Variants in ACSM3 observed in about 807,000 individuals in gnomAD.
ACSM3 encodes acyl-CoA synthetase medium chain family member 3, also known as acyl-coenzyme A synthetase ACSM3, mitochondrial.
In ACSM3, 61 loss-of-function variants were observed where a neutral mutation model predicts 74.1. The ratio of observed to expected loss-of-function variants is 0.82; its 90% confidence interval spans 0.67 to 1.02. The LOEUF is 1.02. ACSM3 is among the 50% of genes least tolerant of loss of function. The pLI, the probability that ACSM3 is intolerant of heterozygous loss-of-function variation, is 0.00. For synonymous variants in ACSM3, 213 were observed against 241.5 expected (o/e 0.88, Z 1.09); for missense variants, 660 against 697.0 (o/e 0.95, Z 0.60).
intron 1 of ACSM3, chr16:20,737,168 C>G (rs1393593610): frequency 6.2e-7 from 1 of 1,614,188 alleles, no homozygotes; most frequent in Non-Finnish European, 8.5e-7. Flanking sequence ...ATTTTCTAAA[C>G]AACATGTAAT....
intron 1 of ACSM3, chr16:20,691,185 G>A (rs1342059851): frequency 1.3e-6 from 2 of 1,579,610 alleles, no homozygotes; most frequent in South Asian, 1.2e-5. Context: ...ATTAGCCACT[G>A]CATGGTGAAA....
chr16:20,723,519 A>G (rs2079793657), intron 1 of ACSM3, among the ~76,000 whole-genome samples: 1 of 151,652 alleles, frequency 6.6e-6, no homozygotes, highest in African/African-American at 2.4e-5. Context: ...AAGTGTTCCT[A>G]TTTCTCCACA....
rs1442525866 is a variant in ACSM3, at chr16:20,742,021, C to T, written c.-189-7889C>T. 6 of 1,460,032 alleles carry T rather than the reference C, an allele frequency of 4.1e-6. No individual in the cohort carries two copies. The Admixed American group carries it at 6.6e-5, about 16-fold the overall frequency. The allele number at this position is 1,460,032 out of a possible 1,614,324, so 90.4% of individuals were successfully genotyped here. Reference sequence around the variant, plus strand: ...ATTCTGGAAGTGGTGTCGGTGGCTCCTCAAGCCCTTGAAGCTGGCTCCAGC... The same window carrying T: ...ATTCTGGAAGTGGTGTCGGTGGCTCTTCAAGCCCTTGAAGCTGGCTCCAGC... On this transcript the variant is annotated intron_variant, in intron 1 of 3. Transcript: ENST00000561584.
chr16:20,797,106 T>C lies in ACSM3; in HGVS notation c.*134T>C. On this transcript the variant is annotated 3_prime_UTR_variant, in exon 14 of 14. Transcript: ENST00000289416. ...ACTGTTGATTTAAAATATCTTGTGGTTATGATATCAGAGGCTAAATTTTGA... is the reference window on the plus strand; with the variant it reads ...ACTGTTGATTTAAAATATCTTGTGGCTATGATATCAGAGGCTAAATTTTGA... 1 of 1,395,788 alleles carries C rather than the reference T, an allele frequency of 7.2e-7. No homozygotes were observed. The allele number at this position is 1,395,788 out of a possible 1,614,324, so 86.5% of individuals were successfully genotyped here. A position where few individuals can be genotyped will look rare whatever the true frequency, so the allele number is the denominator to read the frequency against.
intron 1 of ACSM3, among the ~76,000 whole-genome samples, chr16:20,705,233 C>T (rs2079723590): frequency 2.0e-5 from 3 of 152,014 alleles, no homozygotes; most frequent in Non-Finnish European, 2.9e-5. Context: ...ATTAGCCAGG[C>T]GTAGTGGTGG....
chr16:20,715,069 TC>T (rs1401982326), intron 1 of ACSM3, among the ~76,000 whole-genome samples: 1 of 152,166 alleles, frequency 6.6e-6, no homozygotes, highest in African/African-American at 2.4e-5. Context: ...GATAGATGCC[TC>T]CTACCAAAAG....
At position 20,715,992 on chromosome 16, in the gene ACSM3, T is replaced by C. The variant is rs2079760296; in HGVS notation, c.-189-33918T>C. Among the ~76,000 whole-genome samples, 3 of 152,288 alleles carry C rather than the reference T, an allele frequency of 2.0e-5. No individual in the cohort carries two copies. In the South Asian group the frequency reaches 6.2e-4, roughly 32 times the overall value. On this transcript the variant is annotated intron_variant, in intron 1 of 3. Transcript: ENST00000561584. Reference sequence around the variant, plus strand: ...TGAAGCACCTTGGTTTTCCTGTACATGGCCTCTCTCTCCAGCAGGACAGTC... The same window carrying C: ...TGAAGCACCTTGGTTTTCCTGTACACGGCCTCTCTCTCCAGCAGGACAGTC...
intron 1 of ACSM3, among the ~76,000 whole-genome samples, chr16:20,675,197 A>G (rs889746183): frequency 6.6e-6 from 1 of 152,166 alleles, no homozygotes; most frequent in African/African-American, 2.4e-5. Context: ...GAATCTAACT[A>G]GGCTCACCCG....
At chr16:20,766,679 C>G (rs991109446) in intron 1 of ACSM3, 1 of 151,894 alleles carries the variant, frequency 6.6e-6, no homozygotes, top group Non-Finnish European at 1.5e-5. Context: ...GAGGGGTGGT[C>G]GTGCCACTAC....
upstream of ACSM3, chr16:20,763,703 T>C (rs1277543997): frequency 6.6e-6 from 1 of 152,338 alleles, no homozygotes; most frequent in Admixed American, 6.5e-5. Context: ...CCTCAACTTC[T>C]TTCCTTTCAA....
At chr16:20,769,609 C>CTTTCAGTG (rs2080166790) in intron 1 of ACSM3, among the ~76,000 whole-genome samples, 1 of 152,210 alleles carries the variant, frequency 6.6e-6, no homozygotes, top group Non-Finnish European at 1.5e-5. Flanking sequence ...TAGCCCTTTG[C>CTTTCAGTG]TTTCAGTGAG....
rs746508039 is a variant in ACSM3, at chr16:20,792,352, A to C, written c.1554+17A>C. On this transcript the variant is annotated intron_variant, in intron 12 of 13. Coordinates refer to ENST00000289416, the MANE Select transcript of ACSM3 (RefSeq NM_005622.4). ...AGAGGAGAGGTAAAAGAACTGATTC[A>C]TGTCAACTTTATAATTTGTTGGCAA... 6.2e-7 allele frequency: 1 copy of C among 1,613,156 alleles called. No homozygotes were observed. Among genetic ancestry groups the C allele is most frequent in the African/African-American group, 1.3e-5 (1 of 75,038 alleles).
intron 1 of ACSM3, among the ~76,000 whole-genome samples, chr16:20,687,364 C>T (rs996053521): frequency 2.6e-5 from 4 of 151,934 alleles, no homozygotes; most frequent in South Asian, 2.1e-4. Context: ...GCCATTTATA[C>T]GGGAAAATTA....
At chr16:20,791,460 T>G (rs2080595342) in intron 10 of ACSM3, among the ~76,000 whole-genome samples, 1 of 152,248 alleles carries the variant, frequency 6.6e-6, no homozygotes, top group South Asian at 2.1e-4. Context: ...TTGTAATCTA[T>G]CTAAGAAAAA....
intron 9 of ACSM3, chr16:20,789,424 A>G: frequency 7.8e-7 from 1 of 1,289,522 alleles, no homozygotes; most frequent in Non-Finnish European, 1.1e-6. Flanking sequence ...TAGACACTTC[A>G]GGGAATGATG....
At chr16:20,780,513 T>G (rs1234825641) in intron 4 of ACSM3, 1 of 1,057,184 alleles carries the variant, frequency 9.5e-7, no homozygotes, top group Admixed American at 2.7e-5. Context: ...GGGCCTTTGA[T>G]GACAAAGTTT....
intron 1 of ACSM3, chr16:20,711,814 T>G (rs1456955097): frequency 3.0e-6 from 1 of 329,570 alleles, no homozygotes; most frequent in East Asian, 8.4e-5. Flanking sequence ...AAGAATTACC[T>G]AATAACCAGA....
intron 2 of ACSM3, among the ~76,000 whole-genome samples, chr16:20,751,161 T>A (rs974182741): frequency 1.3e-5 from 2 of 152,224 alleles, no homozygotes; most frequent in African/African-American, 4.8e-5. Flanking sequence ...AGATCTGTTA[T>A]TTTCTTGGTA....
intron 1 of ACSM3, chr16:20,735,375 T>C (rs1188719461): frequency 1.2e-5 from 1 of 86,650 alleles, no homozygotes; most frequent in Non-Finnish European, 3.2e-5. Context: ...TTGTTTTGGG[T>C]GTTTTTTTTT....
Sources: gnomAD v4.1 joint callset for allele counts (sites outside exome capture counted in the v4.1 genomes callset) on GRCh38, gnomAD v4.1.1 for gene constraint, MANE v1.5 for transcripts, NCBI Gene and HGNC (gene_info 2026-07-23, HGNC 2026-07-21) for gene names.